The following IGSF21 variants were observed in gnomAD, a reference collection of about 807,000 sequenced individuals.
IGSF21 encodes immunoglobulin superfamily member 21.
IGSF21 carries 28 observed loss-of-function variants against 46.8 expected under a neutral mutation model. The observed-to-expected ratio is 0.60, with a 90% CI of 0.44 to 0.82. The LOEUF (loss-of-function observed/expected upper bound fraction) is 0.82, where lower values mean the gene tolerates loss of function less well. Among genes scored for constraint, IGSF21 ranks in the 40% least tolerant of loss-of-function variants. IGSF21 has a pLI of 0.00. For synonymous variants in IGSF21, 284 were observed against 273.6 expected (o/e 1.04, Z -0.38); for missense variants, 624 against 665.5 (o/e 0.94, Z 0.69).
chr1:18,209,968 C>T (rs2084372726), intron 1 of IGSF21, among the ~76,000 whole-genome samples: 2 of 152,086 alleles, frequency 1.3e-5, no homozygotes, highest in South Asian at 2.1e-4. Context: ...CACCCCGGCC[C>T]ACTTGCTCCT....
intron 5 of IGSF21, among the ~76,000 whole-genome samples, chr1:18,363,437 G>A (rs749333572): frequency 4.6e-5 from 7 of 151,530 alleles, no homozygotes; most frequent in Middle Eastern, 3.4e-3. Flanking sequence ...CAGTAAGCAG[G>A]TGCACAGAGA....
At chr1:18,222,700 G>A (rs1570353614) in intron 1 of IGSF21, among the ~76,000 whole-genome samples, 1 of 152,190 alleles carries the variant, frequency 6.6e-6, no homozygotes. Context: ...AGGTACATGG[G>A]TGGAGAAGAG....
chr1:18,280,136 G>T (rs562989462), intron 2 of IGSF21, among the ~76,000 whole-genome samples: 3 of 152,256 alleles, frequency 2.0e-5, no homozygotes, highest in African/African-American at 7.2e-5. Flanking sequence ...CATGACCATG[G>T]GGAGACCTTG....
rs1185904713 is a variant in IGSF21, at chr1:18,334,759, C to A, written c.306-133C>A. ...TCGGTGTTCCATAAATGCTCCCCTC[C>A]TCCCAGCCCAGCACACAGGCCTGTG... On this transcript the variant is annotated intron_variant, in intron 3 of 9. Coordinates refer to ENST00000251296, the MANE Select transcript of IGSF21 (RefSeq NM_032880.5). The surrounding 1 kb of genome is among the most constrained non-coding windows in gnomAD (Gnocchi z 4.3). 41 of 701,444 alleles carry A rather than the reference C, an allele frequency of 5.8e-5. No individual in the cohort carries two copies. Among genetic ancestry groups the A allele is most frequent in the Non-Finnish European group, 9.3e-5 (36 of 388,830 alleles). 43.5% of individuals were successfully genotyped at this position (701,444 alleles called of 1,614,324 possible). A position where few individuals can be genotyped will look rare whatever the true frequency, so the allele number is the denominator to read the frequency against.
At chr1:18,227,228 A>G (rs544753525) in intron 1 of IGSF21, among the ~76,000 whole-genome samples, 16 of 152,226 alleles carry the variant, frequency 1.1e-4, no homozygotes, top group African/African-American at 3.1e-4. Context: ...GGGAAAGCCA[A>G]TGGAGGGTGT....
At chr1:18,189,751 C>A (rs1019019591) in intron 1 of IGSF21, among the ~76,000 whole-genome samples, 2 of 152,250 alleles carry the variant, frequency 1.3e-5, no homozygotes, top group African/African-American at 4.8e-5. Flanking sequence ...CTCAGGTGGT[C>A]ATGTGAACAA....
chr1:18,139,290 G>A (rs963620414), intron 1 of IGSF21, among the ~76,000 whole-genome samples: 6 of 152,282 alleles, frequency 3.9e-5, no homozygotes, highest in Admixed American at 6.5e-5. Flanking sequence ...GGGAAAATGC[G>A]GTCGCTGAAC....
intron 2 of IGSF21, among the ~76,000 whole-genome samples, chr1:18,263,681 G>A (rs60003665): frequency 0.02 from 3,065 of 152,208 alleles, 98 homozygotes; most frequent in African/African-American, 0.058. Flanking sequence ...GAGCGGTTGC[G>A]AAAAGTGCGG....
intron 1 of IGSF21, among the ~76,000 whole-genome samples, chr1:18,199,341 T>A (rs1325359636): frequency 3.9e-5 from 6 of 152,132 alleles, no homozygotes; most frequent in African/African-American, 7.2e-5. Flanking sequence ...AGAACTCACC[T>A]CTCATGGTGG....
intron 1 of IGSF21, among the ~76,000 whole-genome samples, chr1:18,124,623 C>T (rs1570246009): frequency 6.6e-6 from 1 of 152,164 alleles, no homozygotes; most frequent in African/African-American, 2.4e-5. Context: ...CCCCGGACCC[C>T]GTGGCTGGGC....
intron 1 of IGSF21, among the ~76,000 whole-genome samples, chr1:18,134,155 A>G (rs1425274872): frequency 6.6e-6 from 1 of 152,140 alleles, no homozygotes; most frequent in African/African-American, 2.4e-5. Context: ...TGAGTGAGTG[A>G]GTGAATAAAT....
intron 2 of IGSF21, among the ~76,000 whole-genome samples, chr1:18,270,590 C>A (rs2085033028): frequency 6.6e-6 from 1 of 152,216 alleles, no homozygotes; most frequent in African/African-American, 2.4e-5. Flanking sequence ...TGCAGCAGGA[C>A]TCTTCTTGGA....
intron 2 of IGSF21, among the ~76,000 whole-genome samples, chr1:18,234,104 C>A (rs560739622): frequency 6.6e-6 from 1 of 152,270 alleles, no homozygotes; most frequent in South Asian, 2.1e-4. Context: ...ACCCCTTTGG[C>A]CCTTCTTGCT....
intron 3 of IGSF21, among the ~76,000 whole-genome samples, chr1:18,329,804 A>G (rs1316544537): frequency 1.3e-5 from 2 of 152,206 alleles, no homozygotes; most frequent in Non-Finnish European, 1.5e-5. Context: ...CTTCTGTTGA[A>G]GGTGGATGGC....
intron 1 of IGSF21, among the ~76,000 whole-genome samples, chr1:18,153,946 C>T (rs979465191): frequency 3.3e-5 from 5 of 152,130 alleles, no homozygotes; most frequent in South Asian, 2.1e-4. Flanking sequence ...CACTGAAGCC[C>T]GGAGCAGGGA....
intron 1 of IGSF21, among the ~76,000 whole-genome samples, chr1:18,205,174 A>T (rs2084305772): frequency 6.6e-6 from 1 of 151,618 alleles, no homozygotes; most frequent in South Asian, 2.1e-4. Flanking sequence ...AGAGAGGGAG[A>T]GGAGAGAGGA....
intron 4 of IGSF21, among the ~76,000 whole-genome samples, chr1:18,359,867 C>T (rs1332882002): frequency 6.6e-6 from 1 of 152,188 alleles, no homozygotes; most frequent in Non-Finnish European, 1.5e-5. Flanking sequence ...GATACAAGCT[C>T]CCTTTTTCTT....
At chr1:18,126,218 TC>T (rs2086273599) in intron 1 of IGSF21, among the ~76,000 whole-genome samples, 2 of 152,124 alleles carry the variant, frequency 1.3e-5, no homozygotes, top group Non-Finnish European at 2.9e-5. Context: ...GAGAGCTCGC[TC>T]GCTTTGGCTC....
At chr1:18,362,869 T>C (rs1324444781) in intron 5 of IGSF21, among the ~76,000 whole-genome samples, 2 of 152,114 alleles carry the variant, frequency 1.3e-5, no homozygotes, top group African/African-American at 2.4e-5. Context: ...AGGTGCAGCG[T>C]CCAGAGAGCT....
Sources: allele counts gnomAD v4.1 joint callset (sites outside exome capture counted in the v4.1 genomes callset), GRCh38; gene constraint gnomAD v4.1.1; non-coding constraint Gnocchi (gnomAD v3.1); transcripts MANE v1.5; gene names NCBI Gene and HGNC (gene_info 2026-07-23, HGNC 2026-07-21).